The following AFG2A variants were observed in gnomAD, a reference collection of about 807,000 sequenced individuals.
AFG2A encodes AAA ATPase AFG2A.
the AFG2A span, chr4:123,314,323 C>A: frequency 4.1e-6 from 1 of 245,744 alleles, no homozygotes; most frequent in South Asian, 1.5e-4. Context: ...TTTTCATTTG[C>A]GACCTAGTCT....
the AFG2A span, among the ~76,000 whole-genome samples, chr4:123,298,449 T>C: frequency 6.6e-6 from 1 of 152,204 alleles, no homozygotes; most frequent in African/African-American, 2.4e-5. Flanking sequence ...CCCAATAATA[T>C]CATTACAATA....
At chr4:123,233,174 G>A in the AFG2A span, among the ~76,000 whole-genome samples, 1 of 151,976 alleles carries the variant, frequency 6.6e-6, no homozygotes, top group African/African-American at 2.4e-5. Context: ...GTTAGAAAAT[G>A]TAATAGACTT....
At chr4:122,941,279 T>C in the AFG2A span, among the ~76,000 whole-genome samples, 1 of 151,538 alleles carries the variant, frequency 6.6e-6, no homozygotes, top group Admixed American at 6.6e-5. Flanking sequence ...GGAATGTTCT[T>C]CCATTTCTTT....
the AFG2A span, among the ~76,000 whole-genome samples, chr4:123,126,149 A>G: frequency 6.6e-6 from 1 of 152,136 alleles, no homozygotes; most frequent in African/African-American, 2.4e-5. Context: ...TATCTTGGCA[A>G]TTATGTCTTC....
chr4:123,264,021 T>C, the AFG2A span, among the ~76,000 whole-genome samples: 23 of 152,346 alleles, frequency 1.5e-4, no homozygotes, highest in South Asian at 1.7e-3. Flanking sequence ...CATGGAATAC[T>C]ACTTAGCCAT....
the AFG2A span, among the ~76,000 whole-genome samples, chr4:123,039,149 A>T: frequency 6.6e-6 from 1 of 152,108 alleles, no homozygotes; most frequent in African/African-American, 2.4e-5. Context: ...AGGTTCTCTA[A>T]TCTCTTTCCT....
At chr4:122,931,622 A>G in the AFG2A span, among the ~76,000 whole-genome samples, 8 of 152,116 alleles carry the variant, frequency 5.3e-5, no homozygotes, top group African/African-American at 1.4e-4. Context: ...GAGATTTAGA[A>G]GTGTTAGAAA....
At chr4:123,259,076 AG>A in the AFG2A span, among the ~76,000 whole-genome samples, 1 of 152,134 alleles carries the variant, frequency 6.6e-6, no homozygotes, top group African/African-American at 2.4e-5. Flanking sequence ...CACATTGGCC[AG>A]GCTGGTCTTG....
chr4:123,154,819 G>A, the AFG2A span, among the ~76,000 whole-genome samples: 2 of 152,136 alleles, frequency 1.3e-5, no homozygotes, highest in East Asian at 3.9e-4. Flanking sequence ...AACACGTATT[G>A]TTAAAGAAAT....
chr4:122,949,741 G>A, the AFG2A span, among the ~76,000 whole-genome samples: 1 of 152,238 alleles, frequency 6.6e-6, no homozygotes, highest in Non-Finnish European at 1.5e-5. Context: ...CCTCTGTAAT[G>A]TGTTGCAGGA....
At chr4:123,241,221 C>T in the AFG2A span, among the ~76,000 whole-genome samples, 4 of 152,308 alleles carry the variant, frequency 2.6e-5, 1 homozygote, top group South Asian at 8.3e-4. Context: ...GAGCTGTTAC[C>T]ATTCCTTCTG....
the AFG2A span, among the ~76,000 whole-genome samples, chr4:123,227,380 G>A: frequency 1.3e-5 from 2 of 151,920 alleles, no homozygotes; most frequent in East Asian, 1.9e-4. Flanking sequence ...ACACTGCTTT[G>A]AATGTGTCCC....
At chr4:123,247,273 T>C in the AFG2A span, among the ~76,000 whole-genome samples, 5 of 151,708 alleles carry the variant, frequency 3.3e-5, no homozygotes, top group African/African-American at 9.7e-5. Flanking sequence ...AACATAAATA[T>C]ATATATCATT....
At chr4:123,176,360 A>G in the AFG2A span, among the ~76,000 whole-genome samples, 1 of 152,232 alleles carries the variant, frequency 6.6e-6, no homozygotes, top group African/African-American at 2.4e-5. Flanking sequence ...CATAAAGGCC[A>G]TGCTAGTAAT....
At chr4:122,985,325 C>T in the AFG2A span, among the ~76,000 whole-genome samples, 1 of 152,154 alleles carries the variant, frequency 6.6e-6, no homozygotes, top group East Asian at 1.9e-4. Flanking sequence ...GATGGGGTTT[C>T]TCCATGTTGG....
the AFG2A span, among the ~76,000 whole-genome samples, chr4:123,067,403 G>A: frequency 1.9e-3 from 296 of 152,124 alleles, no homozygotes; most frequent in African/African-American, 5.8e-3. Context: ...TGTAGTCCCA[G>A]CTACTCGAGA....
chr4:123,276,188 G>A, the AFG2A span, among the ~76,000 whole-genome samples: 5 of 152,262 alleles, frequency 3.3e-5, no homozygotes, highest in South Asian at 4.1e-4. Context: ...TCTGACTGGT[G>A]TGAAATGGTA....
chr4:123,045,575 A>G, the AFG2A span, among the ~76,000 whole-genome samples: 1 of 152,116 alleles, frequency 6.6e-6, no homozygotes, highest in Admixed American at 6.6e-5. Context: ...ATATCCTTAA[A>G]TTGAGATTTG....
At chr4:123,073,957 A>T in the AFG2A span, among the ~76,000 whole-genome samples, 4 of 152,200 alleles carry the variant, frequency 2.6e-5, no homozygotes, top group Admixed American at 2.0e-4. Flanking sequence ...TTTTGGAATA[A>T]ATCTTAAATG....
Sources: allele counts gnomAD v4.1 joint callset (sites outside exome capture counted in the v4.1 genomes callset), GRCh38; gene constraint gnomAD v4.1.1; transcripts MANE v1.5; gene names NCBI Gene and HGNC (gene_info 2026-07-23, HGNC 2026-07-21).